Variants in RGS7 observed in about 807,000 individuals in gnomAD.
RGS7 encodes regulator of G-protein signaling 7.
RGS7 carries 27 observed loss-of-function variants against 81.1 expected under a neutral mutation model. The observed-to-expected ratio is 0.33, with a 90% CI of 0.25 to 0.46. The LOEUF (loss-of-function observed/expected upper bound fraction) is 0.46. RGS7 is among the 20% of genes least tolerant of loss of function. The pLI is 1.00. For synonymous variants in RGS7, 208 were observed against 207.7 expected, an observed-to-expected ratio of 1.00 and a Z score of -0.01; for missense variants, 396 against 607.4, an observed-to-expected ratio of 0.65 and a Z score of 3.66.
At chr1:241,221,910 T>TAC (rs1262316436) in intron 2 of RGS7, among the ~76,000 whole-genome samples, 6 of 152,124 alleles carry the variant, frequency 3.9e-5, no homozygotes, top group African/African-American at 1.2e-4. Context: ...TCTCTCTTTA[T>TAC]ACACACACAC....
chr1:241,183,855 G>A (rs770926389), intron 2 of RGS7, among the ~76,000 whole-genome samples: 3 of 152,206 alleles, frequency 2.0e-5, no homozygotes, highest in South Asian at 2.1e-4. Context: ...CTTGGCACAC[G>A]AAGGACATCA....
At chr1:241,049,197 T>A (rs1193366896) in intron 3 of RGS7, among the ~76,000 whole-genome samples, 1 of 152,204 alleles carries the variant, frequency 6.6e-6, no homozygotes, top group Non-Finnish European at 1.5e-5. Flanking sequence ...GTTCAACCCA[T>A]AACACTAAGA....
intron 10 of RGS7, among the ~76,000 whole-genome samples, chr1:240,821,882 G>A (rs1440557555): frequency 6.6e-6 from 1 of 152,162 alleles, no homozygotes; most frequent in Non-Finnish European, 1.5e-5. Flanking sequence ...CCCAAAGTGT[G>A]GGTCCAATCA....
chr1:240,792,206 G>A (rs537027744), intron 18 of RGS7, among the ~76,000 whole-genome samples: 4 of 152,178 alleles, frequency 2.6e-5, no homozygotes, highest in Non-Finnish European at 5.9e-5. Flanking sequence ...TTTTTCTGCT[G>A]TCAAGTCTTC....
chr1:241,192,068 G>A (rs1367346638), intron 2 of RGS7, among the ~76,000 whole-genome samples: 1 of 152,076 alleles, frequency 6.6e-6, no homozygotes, highest in East Asian at 1.9e-4. Flanking sequence ...ACTTCTTTCT[G>A]TGGTGTTTGG....
In RGS7 at chr1:240,902,450, C is replaced by T. The variant is rs559400800; in HGVS notation, c.385+28267G>A. On this transcript the variant is annotated intron_variant, in intron 6 of 18. Transcript: ENST00000440928. ...AGTACACTATCATTACATTTCTTTG[C>T]ACCTTTAACAGGGAAATTTTAGGAC... Among the ~76,000 whole-genome samples, 5 of 152,206 alleles carry T rather than the reference C, an allele frequency of 3.3e-5. No individual in the cohort carries two copies. In the East Asian group the frequency reaches 5.8e-4, roughly 18 times the overall value.
intron 4 of RGS7, among the ~76,000 whole-genome samples, chr1:240,946,652 TG>T (rs1678657520): frequency 6.6e-6 from 1 of 152,112 alleles, no homozygotes. Flanking sequence ...CAAGAAAATA[TG>T]GTTTCATAAG....
At chr1:241,306,806 T>C (rs1370593990) in intron 2 of RGS7, among the ~76,000 whole-genome samples, 1 of 151,934 alleles carries the variant, frequency 6.6e-6, no homozygotes, top group Admixed American at 6.6e-5. Context: ...CACACCCTCC[T>C]GTGTGCACAC....
intron 6 of RGS7, among the ~76,000 whole-genome samples, chr1:240,928,604 A>ATTTT (rs769378768): frequency 7.4e-6 from 1 of 134,918 alleles, no homozygotes; most frequent in Non-Finnish European, 1.6e-5. Flanking sequence ...TTTCTTTATA[A>ATTTT]TTTTTTTTTT....
intron 5 of RGS7, among the ~76,000 whole-genome samples, chr1:240,933,943 C>T (rs1572846249): frequency 6.6e-6 from 1 of 151,850 alleles, no homozygotes; most frequent in African/African-American, 2.4e-5. Flanking sequence ...CAAATTAATG[C>T]TTTGAAGACT....
chr1:241,297,893 G>A (rs887951519), intron 2 of RGS7, among the ~76,000 whole-genome samples: 11 of 152,268 alleles, frequency 7.2e-5, no homozygotes, highest in Non-Finnish European at 1.3e-4. Context: ...CACTGGCTTC[G>A]GTCTGAAGGC....
At chr1:241,100,217 T>C (rs1416949949) in intron 2 of RGS7, among the ~76,000 whole-genome samples, 2 of 148,674 alleles carry the variant, frequency 1.3e-5, no homozygotes, top group African/African-American at 5.0e-5. Context: ...CTACTAAAAA[T>C]ACAAAAAATT....
intron 3 of RGS7, among the ~76,000 whole-genome samples, chr1:241,089,061 C>CTATA (rs1354977800): frequency 1.4e-3 from 52 of 36,888 alleles, no homozygotes; most frequent in Non-Finnish European, 1.9e-3. Context: ...CTCTCTCTCT[C>CTATA]TCTATATATA....
intron 2 of RGS7, among the ~76,000 whole-genome samples, chr1:241,328,755 T>C (rs1400613507): frequency 6.6e-6 from 1 of 152,190 alleles, no homozygotes; most frequent in East Asian, 1.9e-4. Context: ...ACACAGTTTC[T>C]TAAGGCTTGT....
chr1:240,859,534 A>G (rs1223431589), intron 9 of RGS7, among the ~76,000 whole-genome samples: 1 of 129,672 alleles, frequency 7.7e-6, no homozygotes, highest in African/African-American at 3.0e-5. Flanking sequence ...TTATGCTTTT[A>G]GTGTCACAGA....
chr1:240,910,832 C>A lies in RGS7; in HGVS notation c.385+19885G>T, dbSNP rs531357143. On this transcript the variant is annotated intron_variant, in intron 6 of 18. Coordinates refer to ENST00000440928, the MANE Select transcript of RGS7 (RefSeq NM_001364886.1). ...TCCCAGGTTCAAGGGGATTCTCATGCCTCAGCCTCCCAAGTTCCTGGAATT... is the reference window on the plus strand; with the variant it reads ...TCCCAGGTTCAAGGGGATTCTCATGACTCAGCCTCCCAAGTTCCTGGAATT... Among the ~76,000 whole-genome samples the A allele has an allele frequency of 6.4e-4, 97 of 152,068 alleles. No individual in the cohort carries two copies. In the Middle Eastern group the frequency reaches 0.017, roughly 27 times the overall value.
intron 2 of RGS7, among the ~76,000 whole-genome samples, chr1:241,257,547 C>G (rs769215738): frequency 3.3e-5 from 5 of 152,208 alleles, no homozygotes; most frequent in Non-Finnish European, 5.9e-5. Context: ...ATTTGCAACA[C>G]TGTGCCCAAA....
intron 2 of RGS7, among the ~76,000 whole-genome samples, chr1:241,222,967 A>T (rs1479328858): frequency 6.6e-6 from 1 of 152,090 alleles, no homozygotes; most frequent in Non-Finnish European, 1.5e-5. Flanking sequence ...TTCCAGCTTC[A>T]TTCATGTCCC....
chr1:241,293,498 G>A (rs1384873637), intron 2 of RGS7, among the ~76,000 whole-genome samples: 1 of 152,114 alleles, frequency 6.6e-6, no homozygotes, highest in East Asian at 1.9e-4. Context: ...AGACCTTTGT[G>A]GAGGTGGAAA....
Sources: gnomAD v4.1 joint callset for allele counts (sites outside exome capture counted in the v4.1 genomes callset) on GRCh38, gnomAD v4.1.1 for gene constraint, MANE v1.5 for transcripts, NCBI Gene and HGNC (gene_info 2026-07-23, HGNC 2026-07-21) for gene names.